The following CCNT2 variants were observed in gnomAD, a reference collection of about 807,000 sequenced individuals.
CCNT2 encodes cyclin-T2.
In CCNT2, 18 loss-of-function variants were observed where a neutral mutation model predicts 70.0. The ratio of observed to expected loss-of-function variants is 0.26; its 90% CI spans 0.18 to 0.38. The LOEUF (loss-of-function observed/expected upper bound fraction) is 0.38, where lower values mean the gene tolerates loss of function less well. Ranked by LOEUF, CCNT2 falls within the 10% of genes least tolerant of loss-of-function variation. CCNT2 has a pLI of 1.00. For missense variants in CCNT2, 734 were observed against 890.2 expected, an observed-to-expected ratio of 0.82 and a Z score of 2.23; for synonymous variants, 334 against 313.3, an observed-to-expected ratio of 1.07 and a Z score of -0.70.
chr2:134,920,865 G>A (rs1303954045), intron 2 of CCNT2, among the ~76,000 whole-genome samples: 1 of 152,152 alleles, frequency 6.6e-6, no homozygotes, highest in Non-Finnish European at 1.5e-5. Flanking sequence ...TGGAAGGAAA[G>A]GCTTCATGGT....
chr2:134,959,305 A>G lies in CCNT2; in HGVS notation c.*4657A>G, dbSNP rs1305469408. 6.6e-6 allele frequency: 1 copy of G among 152,226 alleles called. No homozygotes were observed. Among genetic ancestry groups the G allele is most frequent in the Non-Finnish European group, 1.5e-5 (1 of 68,040 alleles). 9.4% of individuals were successfully genotyped at this position (152,226 alleles called of 1,614,324 possible). ...GTCATTGACTTTAAGCTTCTTATCC[A>G]TACAAGGAACTAATAAAATGTTTAT... On this transcript the variant is annotated 3_prime_UTR_variant, in exon 9 of 9. Coordinates refer to ENST00000264157, the MANE Select transcript of CCNT2 (RefSeq NM_058241.3).
intron 3 of CCNT2, 150 bp from the exon 4 acceptor site, chr2:134,938,852 T>G (rs1446841264): frequency 1.8e-6 from 1 of 547,254 alleles, no homozygotes; most frequent in Non-Finnish European, 3.2e-6. Context: ...ATACAGGCTT[T>G]CTCTGTCACC....
intron 2 of CCNT2, among the ~76,000 whole-genome samples, chr2:134,922,361 A>G (rs914629617): frequency 4.6e-5 from 7 of 152,202 alleles, no homozygotes; most frequent in African/African-American, 1.4e-4. Flanking sequence ...ACTTAATTGT[A>G]TTTTCCCACA....
chr2:134,943,411 A>AG, intron 5 of CCNT2: 3 of 983,132 alleles, frequency 3.1e-6, no homozygotes, highest in Non-Finnish European at 3.6e-6. Context: ...CAAAAAAAAA[A>AG]GTTATTTTTG....
chr2:134,931,260 A>ATTTTTTTTTTTT (rs1351628226), intron 2 of CCNT2, among the ~76,000 whole-genome samples: 4 of 42,946 alleles, frequency 9.3e-5, no homozygotes, highest in African/African-American at 1.9e-4. Flanking sequence ...CCATGCCCGG[A>ATTTTTTTTTTTT]TCTTTTTTTT....
At position 134,947,964 on chromosome 2, in the gene CCNT2, A is replaced by G. The variant is rs189329202; in HGVS notation, c.703+65A>G. ...AAGTTGGCAGTTGTCTGAATTGACA[A>G]TAGAAAGTGTCAGTACACTATCAGA... On this transcript the variant is annotated intron_variant, in intron 7 of 8. Coordinates refer to ENST00000264157, the MANE Select transcript of CCNT2 (RefSeq NM_058241.3). The G allele has an allele frequency of 2.1e-5, 20 of 930,802 alleles. No homozygotes were observed. The Admixed American group carries it at 4.1e-4, about 19-fold the overall frequency. 57.7% of individuals were successfully genotyped at this position (930,802 alleles called of 1,614,324 possible). A position where few individuals can be genotyped will look rare whatever the true frequency, so the allele number is the denominator to read the frequency against.
In CCNT2 at chr2:134,956,959, G is replaced by A. The variant is rs1395562402; in HGVS notation, c.*2311G>A. 1 of 152,574 alleles carries A rather than the reference G, an allele frequency of 6.6e-6. No homozygotes were observed. The highest frequency in any genetic ancestry group is 1.5e-5 in the Non-Finnish European group (1 of 67,996). The allele number at this position is 152,574 out of a possible 1,614,324, so 9.5% of individuals were successfully genotyped here. On this transcript the variant is annotated 3_prime_UTR_variant, in exon 9 of 9. Coordinates refer to ENST00000264157, the MANE Select transcript of CCNT2 (RefSeq NM_058241.3). ...ATGCTATGTATTCACTTTTCACTCT[G>A]TAAATGTAATTCTTTACAATGACTT... is the stretch of plus-strand genomic sequence containing the variant.
intron 2 of CCNT2, among the ~76,000 whole-genome samples, chr2:134,927,064 G>GT (rs1680347834): frequency 6.6e-6 from 1 of 152,196 alleles, no homozygotes; most frequent in Admixed American, 6.5e-5. Flanking sequence ...ATCACTTGAA[G>GT]TTTCTGTTAA....
chr2:134,928,425 T>G (rs1680469441), intron 2 of CCNT2, among the ~76,000 whole-genome samples: 1 of 151,964 alleles, frequency 6.6e-6, no homozygotes, highest in Non-Finnish European at 1.5e-5. Flanking sequence ...ATTACAGGCA[T>G]GCACCAACAC....
At chr2:134,947,975 C>G in intron 7 of CCNT2, 76 bp downstream of exon 7, 1 of 788,126 alleles carries the variant, frequency 1.3e-6, no homozygotes, top group South Asian at 3.1e-5. Context: ...TAGAAAGTGT[C>G]AGTACACTAT....
rs1682882576 is a variant in CCNT2 at position 134,955,719 on chromosome 2, GT to G, written c.*1072del. The G allele has an allele frequency of 6.6e-6, 1 of 152,592 alleles. No individual in the cohort carries two copies. The highest frequency in any genetic ancestry group is 1.5e-5 in the Non-Finnish European group (1 of 68,024). The allele number at this position is 152,592 out of a possible 1,614,324, so 9.5% of individuals were successfully genotyped here. ...TACTCCTTCCCTGAAGCGTGTTTGTGTGTGATGCCATATTTCTTTTTCAGGT... is the reference window on the plus strand; with the variant it reads ...TACTCCTTCCCTGAAGCGTGTTTGTGGTGATGCCATATTTCTTTTTCAGGT... On this transcript the variant is annotated 3_prime_UTR_variant, in exon 9 of 9. Transcript: ENST00000264157.
intron 2 of CCNT2, among the ~76,000 whole-genome samples, chr2:134,932,825 C>G (rs989301072): frequency 6.6e-6 from 1 of 152,204 alleles, no homozygotes; most frequent in African/African-American, 2.4e-5. Context: ...CCTCTCTTGT[C>G]TTTCCTCTAC....
chr2:134,929,635 G>GAGAGAGAGAGAGAGAGAT (rs1162062330), intron 2 of CCNT2, among the ~76,000 whole-genome samples: 2 of 129,900 alleles, frequency 1.5e-5, no homozygotes, highest in South Asian at 2.9e-4. Context: ...GAGAGAGAGA[G>GAGAGAGAGAGAGAGAGAT]AACTAATAAA....
At chr2:134,948,025 G>GAA in intron 7 of CCNT2, 126 bp downstream of exon 7, 1 of 462,826 alleles carries the variant, frequency 2.2e-6, no homozygotes, top group Non-Finnish European at 3.6e-6. Flanking sequence ...TCAGCCTAAA[G>GAA]AAAAAAAAAT....
At chr2:134,937,577 A>G (rs1301130825) in intron 3 of CCNT2, among the ~76,000 whole-genome samples, 1 of 152,190 alleles carries the variant, frequency 6.6e-6, no homozygotes, top group East Asian at 1.9e-4. Flanking sequence ...TTTTTCTGAC[A>G]TCTTAAGAAA....
At chr2:134,932,070 C>T (rs888783706) in intron 2 of CCNT2, among the ~76,000 whole-genome samples, 21 of 151,714 alleles carry the variant, frequency 1.4e-4, no homozygotes, top group African/African-American at 4.1e-4. Context: ...CTGCAACCTC[C>T]GCCTCCCAGG....
At chr2:134,951,789 C>T (rs530386748) in intron 7 of CCNT2, among the ~76,000 whole-genome samples, 1 of 152,300 alleles carries the variant, frequency 6.6e-6, no homozygotes, top group East Asian at 1.9e-4. Context: ...ATTATCAAAA[C>T]TAGGAAGTTA....
At chr2:134,931,051 C>T (rs564373867) in intron 2 of CCNT2, among the ~76,000 whole-genome samples, 1 of 151,854 alleles carries the variant, frequency 6.6e-6, no homozygotes, top group East Asian at 1.9e-4. Context: ...CGTGCTCCAC[C>T]TCCCAAGTTC....
At chr2:134,932,551 T>G (rs1680857894) in intron 2 of CCNT2, among the ~76,000 whole-genome samples, 1 of 152,198 alleles carries the variant, frequency 6.6e-6, no homozygotes, top group Non-Finnish European at 1.5e-5. Flanking sequence ...GCTTGAAGAT[T>G]TTTTTTAATT....
Sources: gnomAD v4.1 joint callset for allele counts (sites outside exome capture counted in the v4.1 genomes callset) on GRCh38, gnomAD v4.1.1 for gene constraint, MANE v1.5 for transcripts, NCBI Gene and HGNC (gene_info 2026-07-23, HGNC 2026-07-21) for gene names.